COL28A1: variants seen among roughly 807,000 people sequenced by gnomAD.
COL28A1 encodes the protein collagen type XXVIII alpha 1 chain.
A neutral mutation model predicts 150.2 loss-of-function variants in COL28A1; 161 were observed. The observed-to-expected ratio is 1.07, with a 90% CI of 0.94 to 1.22. COL28A1 has a LOEUF of 1.22. COL28A1 is among the 50% of genes most tolerant of loss of function. The probability of loss-of-function intolerance (pLI) is 0.00; values close to 1 mark genes in which losing one functional copy is unlikely to be tolerated. For synonymous variants in COL28A1, 552 were observed against 469.7 expected (o/e 1.18, Z -2.26); for missense variants, 1,617 against 1,388.3 (o/e 1.16, Z -2.62).
At chr7:7,461,935 G>A (rs530104040) in intron 15 of COL28A1, among the ~76,000 whole-genome samples, 122 of 152,220 alleles carry the variant, frequency 8.0e-4, no homozygotes, top group Non-Finnish European at 1.4e-3. Flanking sequence ...AGGCCAACCG[G>A]CACAAAAATA....
intron 12 of COL28A1, among the ~76,000 whole-genome samples, chr7:7,489,802 C>G (rs976612100): frequency 6.6e-6 from 1 of 152,146 alleles, no homozygotes; most frequent in African/African-American, 2.4e-5. Context: ...TTGCCACCAT[C>G]CAGGAATGTC....
intron 20 of COL28A1, among the ~76,000 whole-genome samples, 195 bp downstream of exon 20, chr7:7,443,390 A>G (rs1785965436): frequency 6.6e-6 from 1 of 151,954 alleles, no homozygotes; most frequent in Non-Finnish European, 1.5e-5. Context: ...GGGTCTTACA[A>G]TAGACGTTAG....
At chr7:7,521,833 TG>T (rs1483822759) in intron 5 of COL28A1, 71 bp downstream of exon 5, 23 of 828,390 alleles carry the variant, frequency 2.8e-5, no homozygotes, top group Non-Finnish European at 4.3e-5. Context: ...ATAGCCCCGA[TG>T]TTTTCAAGAG....
intron 20 of COL28A1, among the ~76,000 whole-genome samples, 158 bp from the exon 21 acceptor site, chr7:7,441,019 TGAG>T (rs1292472680): frequency 2.0e-5 from 3 of 152,240 alleles, no homozygotes; most frequent in Non-Finnish European, 2.9e-5. Flanking sequence ...TCAATGTTCT[TGAG>T]GAGATCAGAT....
chr7:7,370,495 A>G (rs1342110918), intron 33 of COL28A1, among the ~76,000 whole-genome samples: 3 of 152,178 alleles, frequency 2.0e-5, no homozygotes, highest in Non-Finnish European at 4.4e-5. Flanking sequence ...ATTATCAGCA[A>G]CATTTAATAA....
chr7:7,380,948 C>T, intron 28 of COL28A1, 86 bp from the exon 29 acceptor site: 1 of 1,142,880 alleles, frequency 8.7e-7, no homozygotes, highest in Non-Finnish European at 1.3e-6. Context: ...TTATCTGCAA[C>T]TGGCATCTCT....
At chr7:7,401,295 C>A (rs1783191331) in intron 27 of COL28A1, among the ~76,000 whole-genome samples, 1 of 152,030 alleles carries the variant, frequency 6.6e-6, no homozygotes, top group Admixed American at 6.6e-5. Flanking sequence ...TGTATACTCT[C>A]ACTCTCCACA....
intron 13 of COL28A1, among the ~76,000 whole-genome samples, chr7:7,478,360 C>T (rs2128356579): frequency 6.6e-6 from 1 of 152,316 alleles, no homozygotes; most frequent in Non-Finnish European, 1.5e-5. Flanking sequence ...ACACAGGGTG[C>T]TGATTGGTGT....
chr7:7,401,568 G>C (rs1783208662), intron 27 of COL28A1, among the ~76,000 whole-genome samples: 1 of 152,004 alleles, frequency 6.6e-6, no homozygotes, highest in Non-Finnish European at 1.5e-5. Context: ...CAGTCATTCA[G>C]GTCAAAAACC....
chr7:7,432,819 A>G (rs1452956269), intron 23 of COL28A1, 119 bp from the exon 24 acceptor site: 2 of 732,796 alleles, frequency 2.7e-6, no homozygotes, highest in East Asian at 5.2e-5. Flanking sequence ...GAGTTAGAAA[A>G]TGACTTATTG....
At chr7:7,427,832 T>C (rs527474321) in intron 25 of COL28A1, among the ~76,000 whole-genome samples, 34 of 152,220 alleles carry the variant, frequency 2.2e-4, no homozygotes, top group South Asian at 1.2e-3. Flanking sequence ...GGGGAAACAA[T>C]CCAACTGCAC....
rs1262139326 is a variant in COL28A1, at chr7:7,451,066, G to A, written c.1509+1253C>T. Among the ~76,000 whole-genome samples, 7 of 150,262 alleles carry A rather than the reference G, an allele frequency of 4.7e-5. 1 individual carries two copies. Among genetic ancestry groups the A allele is most frequent in the Admixed American group, 4.6e-4 (7 of 15,150 alleles). On this transcript the variant is annotated intron_variant, in intron 18 of 34. Coordinates refer to ENST00000399429, the MANE Select transcript of COL28A1 (RefSeq NM_001037763.3). ...GTGTGAGGAGAGAAGGGAGGGCAGT[G>A]GGATTGGGGAGTGCCAGCAGGGACC...
intron 3 of COL28A1, among the ~76,000 whole-genome samples, chr7:7,529,394 A>G (rs981441674): frequency 6.6e-6 from 1 of 151,962 alleles, no homozygotes; most frequent in Admixed American, 6.6e-5. Context: ...AGCACTTTGG[A>G]TCCTGTAAGT....
intron 27 of COL28A1, among the ~76,000 whole-genome samples, chr7:7,406,867 T>G (rs74737999): frequency 0.12 from 18,543 of 152,152 alleles, 1,442 homozygotes; most frequent in East Asian, 0.22. Context: ...TTCTTTCTTT[T>G]TTTTTAATCT....
chr7:7,512,100 G>T (rs1015985584), intron 8 of COL28A1, among the ~76,000 whole-genome samples: 2 of 152,138 alleles, frequency 1.3e-5, no homozygotes, highest in Non-Finnish European at 2.9e-5. Context: ...TATGTTTAGT[G>T]AAATAAGCCA....
intron 11 of COL28A1, among the ~76,000 whole-genome samples, chr7:7,500,778 C>T (rs1183109517): frequency 6.6e-6 from 1 of 152,120 alleles, no homozygotes; most frequent in African/African-American, 2.4e-5. Context: ...ATTAGTATAT[C>T]ATTAACCTGA....
At chr7:7,374,038 A>AAAAAAAAAAAAATATATATATATAT in intron 31 of COL28A1, among the ~76,000 whole-genome samples, 43 of 113,596 alleles carry the variant, frequency 3.8e-4, no homozygotes, top group African/African-American at 1.6e-3. Context: ...AAAAAAAAAA[A>AAAAAAAAAAAAATATATATATATAT]ATATATATAT....
intron 27 of COL28A1, among the ~76,000 whole-genome samples, chr7:7,391,174 G>C (rs1398351417): frequency 6.6e-6 from 1 of 152,132 alleles, no homozygotes; most frequent in African/African-American, 2.4e-5. Flanking sequence ...CTGGTACCTT[G>C]TATCTTTGTT....
the COL28A1 span, among the ~76,000 whole-genome samples, chr7:7,344,244 G>C: frequency 6.6e-6 from 1 of 152,012 alleles, no homozygotes; most frequent in Non-Finnish European, 1.5e-5. Flanking sequence ...GGTCTGGATT[G>C]TAAGTGGGAG....
Sources: allele counts gnomAD v4.1 joint callset (sites outside exome capture counted in the v4.1 genomes callset), GRCh38; gene constraint gnomAD v4.1.1; transcripts MANE v1.5; gene names NCBI Gene and HGNC (gene_info 2026-07-23, HGNC 2026-07-21).